Variants in MYO9A observed in about 807,000 individuals in gnomAD.
MYO9A encodes the protein unconventional myosin-IXa.
MYO9A carries 103 observed loss-of-function variants against 293.3 expected under a neutral mutation model. The ratio of observed to expected loss-of-function variants is 0.35; its 90% CI spans 0.30 to 0.41. MYO9A has a LOEUF of 0.41. Among genes scored for constraint, MYO9A ranks in the 10% least tolerant of loss-of-function variants. The pLI is 1.00. For synonymous variants in MYO9A, 1,001 were observed against 1,035.7 expected (o/e 0.97, Z 0.64); for missense variants, 2,685 against 3,033.0 (o/e 0.89, Z 2.69).
chr15:72,104,119 C>T (rs1424701784), intron 1 of MYO9A, among the ~76,000 whole-genome samples: 2 of 152,092 alleles, frequency 1.3e-5, no homozygotes, highest in Admixed American at 6.5e-5. Flanking sequence ...CCCAGGCTAG[C>T]AATATGCAGT....
chr15:71,934,544 G>A lies in MYO9A; in HGVS notation c.2522+797C>T, dbSNP rs28570214. 5.6e-3 allele frequency among the ~76,000 whole-genome samples: 857 copies of A among 151,710 alleles called. 11 individuals are homozygous for A. Among genetic ancestry groups the A allele is most frequent in the African/African-American group, 0.02 (810 of 41,412 alleles). ...TCACACCTCTAGCTAGCGGTCAAACGATATGCTTGGGAAATATCTAAAACA... is the reference window on the plus strand; with the variant it reads ...TCACACCTCTAGCTAGCGGTCAAACAATATGCTTGGGAAATATCTAAAACA... On this transcript the variant is annotated intron_variant, in intron 17 of 41. Transcript: ENST00000356056.
intron 19 of MYO9A, among the ~76,000 whole-genome samples, chr15:71,912,807 G>T (rs1394136259): frequency 6.6e-6 from 1 of 151,798 alleles, no homozygotes; most frequent in Non-Finnish European, 1.5e-5. Context: ...TTCTCTTTTT[G>T]GTCTTTTGAA....
chr15:72,091,766 T>A (rs1194048862), intron 1 of MYO9A, among the ~76,000 whole-genome samples: 2 of 151,268 alleles, frequency 1.3e-5, no homozygotes, highest in African/African-American at 4.9e-5. Context: ...CAGGATGGAG[T>A]GCAGTGGCGC....
intron 16 of MYO9A, among the ~76,000 whole-genome samples, chr15:71,937,890 A>G (rs1018431283): frequency 2.0e-5 from 3 of 152,162 alleles, no homozygotes; most frequent in African/African-American, 7.2e-5. Context: ...AAGGTTAACT[A>G]TCTAATTTGT....
chr15:72,096,616 G>C (rs537469708), intron 1 of MYO9A, among the ~76,000 whole-genome samples: 3 of 152,316 alleles, frequency 2.0e-5, no homozygotes, highest in Admixed American at 1.3e-4. Flanking sequence ...ATGGATCAAG[G>C]AGTAATTTTA....
intron 22 of MYO9A, among the ~76,000 whole-genome samples, chr15:71,901,657 CAA>C (rs371281747): frequency 4.6e-5 from 5 of 108,366 alleles, no homozygotes; most frequent in Admixed American, 9.8e-5. Context: ...ACCTGGTCTC[CAA>C]AAAAAAAAAA....
At chr15:71,877,897 G>C (rs1596087688) in intron 31 of MYO9A, 143 bp downstream of exon 31, 1 of 636,334 alleles carries the variant, frequency 1.6e-6, no homozygotes, top group African/African-American at 1.9e-5. Flanking sequence ...AGGATCTAAA[G>C]TGGCGCTAAG....
At chr15:71,891,687 C>T (rs778450119) in intron 26 of MYO9A, 3 of 152,112 alleles carry the variant, frequency 2.0e-5, no homozygotes, top group Non-Finnish European at 4.4e-5. Context: ...TCCTACAGTT[C>T]GGCTCAGGTT....
At chr15:72,001,795 G>A (rs958579419) in intron 8 of MYO9A, among the ~76,000 whole-genome samples, 3 of 151,782 alleles carry the variant, frequency 2.0e-5, no homozygotes, top group African/African-American at 2.4e-5. Flanking sequence ...TCACAAAAAC[G>A]CAGTAAAGCC....
chr15:71,985,607 C>T (rs968181916), intron 11 of MYO9A, among the ~76,000 whole-genome samples: 3 of 152,030 alleles, frequency 2.0e-5, no homozygotes, highest in African/African-American at 7.3e-5. Flanking sequence ...TGCTCAATTC[C>T]TCATACTCTC....
intron 1 of MYO9A, among the ~76,000 whole-genome samples, chr15:72,105,339 T>C (rs1596590465): frequency 1.3e-5 from 2 of 152,062 alleles, no homozygotes; most frequent in Admixed American, 1.3e-4. Context: ...TCCTCCCATG[T>C]CAGCCTTCCC....
At chr15:71,849,946 A>AACCCATTCACTATTTTATGT in intron 38 of MYO9A, 90 bp downstream of exon 38, 2 of 1,495,078 alleles carry the variant, frequency 1.3e-6, no homozygotes, top group Non-Finnish European at 1.8e-6. Context: ...TGAATTTATG[A>AACCCATTCACTATTTTATGT]ACCCATTCAC....
intron 27 of MYO9A, among the ~76,000 whole-genome samples, chr15:71,887,693 T>C (rs1233092110): frequency 6.6e-6 from 1 of 152,200 alleles, no homozygotes; most frequent in African/African-American, 2.4e-5. Flanking sequence ...CTCTGCATGA[T>C]GTGCATGCAC....
At chr15:71,956,671 C>A (rs990707860) in intron 14 of MYO9A, among the ~76,000 whole-genome samples, 3 of 150,312 alleles carry the variant, frequency 2.0e-5, no homozygotes, top group Non-Finnish European at 4.4e-5. Context: ...CTATATATAT[C>A]TATCTATATA....
At chr15:72,034,951 C>T (rs1213749663) in intron 2 of MYO9A, among the ~76,000 whole-genome samples, 1 of 152,172 alleles carries the variant, frequency 6.6e-6, no homozygotes, top group Non-Finnish European at 1.5e-5. Flanking sequence ...GAGAGGTAGG[C>T]TTGCAATAGT....
chr15:71,925,633 A>G (rs1042293111), intron 18 of MYO9A, among the ~76,000 whole-genome samples: 1 of 152,156 alleles, frequency 6.6e-6, no homozygotes, highest in African/African-American at 2.4e-5. Flanking sequence ...TTTTAAACAG[A>G]TAACAACTTT....
chr15:72,100,100 T>G (rs2080222355), intron 1 of MYO9A, among the ~76,000 whole-genome samples: 1 of 151,600 alleles, frequency 6.6e-6, no homozygotes, highest in African/African-American at 2.4e-5. Context: ...ATAGAAAAAT[T>G]AGACAGGTGT....
At chr15:71,994,334 G>A (rs1183193077) in intron 10 of MYO9A, 135 bp downstream of exon 10, 5 of 517,140 alleles carry the variant, frequency 9.7e-6, no homozygotes, top group Non-Finnish European at 1.7e-5. Context: ...CTTCTGAACA[G>A]GGTAATAAAT....
chr15:71,908,034 A>C (rs914387069), intron 19 of MYO9A, among the ~76,000 whole-genome samples: 5 of 152,134 alleles, frequency 3.3e-5, no homozygotes, highest in Admixed American at 6.5e-5. Context: ...CTATGTCCTG[A>C]ATGGTAATGC....
Sources: allele counts gnomAD v4.1 joint callset (sites outside exome capture counted in the v4.1 genomes callset), GRCh38; gene constraint gnomAD v4.1.1; transcripts MANE v1.5; gene names NCBI Gene and HGNC (gene_info 2026-07-23, HGNC 2026-07-21).